Variants in THOC1 observed in about 807,000 individuals in gnomAD.
The protein encoded by THOC1 is THO complex 1.
A neutral mutation model predicts 97.3 loss-of-function variants in THOC1; 29 were observed. That is an observed-to-expected ratio of 0.30 (90% CI 0.22 to 0.41). THOC1 has a LOEUF of 0.41. Among genes scored for constraint, THOC1 ranks in the 10% least tolerant of loss-of-function variants. The probability of loss-of-function intolerance (pLI) is 1.00; values close to 1 mark genes in which losing one functional copy is unlikely to be tolerated. For missense variants in THOC1, 529 were observed against 761.9 expected (o/e 0.69, Z 3.60); for synonymous variants, 255 against 257.0 (o/e 0.99, Z 0.07).
intron 11 of THOC1, among the ~76,000 whole-genome samples, chr18:233,207 GA>G (rs1911552463): frequency 1.3e-5 from 2 of 152,016 alleles, no homozygotes; most frequent in East Asian, 1.9e-4. Context: ...AATTAACCTG[GA>G]ATTGATTAAC....
chr18:259,089 C>T, intron 7 of THOC1, 91 bp downstream of exon 7: 1 of 973,302 alleles, frequency 1.0e-6, no homozygotes. Context: ...CTTTTTAGAA[C>T]CATTTTTCTC....
At chr18:220,885 T>C (rs969148497) in intron 17 of THOC1, among the ~76,000 whole-genome samples, 1 of 152,206 alleles carries the variant, frequency 6.6e-6, no homozygotes, top group Non-Finnish European at 1.5e-5. Flanking sequence ...TACTTTCTAC[T>C]TCTATGAGTT....
Position 265,510 on chromosome 18 carries a change from C to G in THOC1, c.75G>C (p.Leu25Phe). 2 of 1,591,258 alleles carry G rather than the reference C, an allele frequency of 1.3e-6. No individual in the cohort carries two copies. Among genetic ancestry groups the G allele is most frequent in the Non-Finnish European group, 1.7e-6 (2 of 1,168,982 alleles). The stretch of plus-strand genomic sequence containing the variant: ...ACAATGGCTTGATGTTTTTGTTGTT[C>G]AAGGCCTCTCTGGTAGACTTCTAAA... ...TRFTKSTREA[L>F]NNKNIKPLLS... is the part of the protein sequence containing the mutation. Residue 25 changes from leucine to phenylalanine, a missense_variant, in exon 2 of 21, where the codon TTG becomes TTC. By Grantham distance (22) the Leu-to-Phe change is conservative. Coordinates refer to ENST00000261600, the MANE Select transcript of THOC1 (RefSeq NM_005131.3).
chr18:221,506 C>A (rs949354997), intron 17 of THOC1, among the ~76,000 whole-genome samples: 1 of 151,674 alleles, frequency 6.6e-6, no homozygotes, highest in Non-Finnish European at 1.5e-5. Context: ...ATCAATATAA[C>A]TATGCCTTTT....
Position 265,318 on chromosome 18 carries a change from A to C in THOC1, c.174T>G (p.Ile58Met), listed in dbSNP as rs760373126. 15 of 1,597,304 alleles carry C rather than the reference A, an allele frequency of 9.4e-6. No individual in the cohort carries two copies. The East Asian group carries it at 2.7e-4, about 29-fold the overall frequency. ...KCTLDQAFRG[I>M]LEEEIINHSS... ...ACATACTTACAATTTCTTCTTCTAG[A>C]ATACCTCTGAAAGCTTGGTCAAGGG... The change falls in exon 3 of 21, where the codon ATT becomes ATG. Residue 58 changes from isoleucine (I) to methionine (M), a missense_variant. By Grantham distance (10) the Ile-to-Met change is conservative. Coordinates refer to ENST00000261600, the MANE Select transcript of THOC1 (RefSeq NM_005131.3).
At chr18:223,207 TTC>T (rs1289069993) in intron 17 of THOC1, among the ~76,000 whole-genome samples, 6 of 152,200 alleles carry the variant, frequency 3.9e-5, no homozygotes, top group African/African-American at 1.4e-4. Context: ...AGGCTTACTC[TTC>T]TGTTTGTAGT....
At chr18:252,441 T>G in intron 9 of THOC1, 98 bp downstream of exon 9, 1 of 914,344 alleles carries the variant, frequency 1.1e-6, no homozygotes, top group Non-Finnish European at 1.7e-6. Context: ...TTCTTATAAT[T>G]TCTTTCCTCC....
At position 254,410 on chromosome 18, in the gene THOC1, T is replaced by C; in HGVS notation, c.521-55A>G. The C allele has an allele frequency of 1.9e-6, 2 of 1,068,326 alleles. No individual in the cohort carries two copies. The highest frequency in any genetic ancestry group is 1.6e-5 in the African/African-American group (1 of 63,536). 66.2% of individuals were successfully genotyped at this position (1,068,326 alleles called of 1,614,324 possible). A position where few individuals can be genotyped will look rare whatever the true frequency, so the allele number is the denominator to read the frequency against. ...GCAAGTCCAGTGACACCTAAACTTA[T>C]GTATAACTTGTGTCATAATCAAAAC... On this transcript the variant is annotated intron_variant, in intron 7 of 20. Transcript: ENST00000261600. The surrounding 1 kb of genome is among the most constrained non-coding windows in gnomAD (Gnocchi z 4.1).
intron 12 of THOC1, 75 bp from the exon 13 acceptor site, chr18:225,478 G>A: frequency 8.2e-7 from 1 of 1,220,598 alleles, no homozygotes; most frequent in Non-Finnish European, 1.2e-6. Flanking sequence ...AAAAACACAA[G>A]GCATGTAACA....
chr18:252,848 G>A (rs1912325073), intron 8 of THOC1, among the ~76,000 whole-genome samples: 1 of 152,132 alleles, frequency 6.6e-6, no homozygotes, highest in South Asian at 2.1e-4. Context: ...ACAGTAGAAA[G>A]TTTCAAATCT....
chr18:218,862 G>A, intron 18 of THOC1, 24 bp downstream of exon 18: 1 of 1,552,622 alleles, frequency 6.4e-7, no homozygotes, highest in Non-Finnish European at 8.8e-7. Flanking sequence ...AAAATTAAAA[G>A]GAGCTAATGA....
At chr18:249,413 T>A (rs924358021) in intron 9 of THOC1, among the ~76,000 whole-genome samples, 1 of 152,126 alleles carries the variant, frequency 6.6e-6, no homozygotes, top group Non-Finnish European at 1.5e-5. Flanking sequence ...ACACCTGTAA[T>A]CCCAACACTT....
rs762523865 is a variant in THOC1, at chr18:252,616, A to AGAT, written c.604-5_604-4insATC. The AGAT allele has an allele frequency of 1.2e-6, 2 of 1,603,960 alleles. No individual in the cohort carries two copies. Among genetic ancestry groups the AGAT allele is most frequent in the Non-Finnish European group, 1.7e-6 (2 of 1,175,712 alleles). On this transcript the variant is annotated splice_polypyrimidine_tract_variant and splice_region_variant and intron_variant, in intron 8 of 20. Coordinates refer to ENST00000261600, the MANE Select transcript of THOC1 (RefSeq NM_005131.3). The stretch of plus-strand genomic sequence containing the variant: ...CTTCTTCTCTATCTTCAGTGTGCTA[A>AGAT]ATTGAAAAAAAAATGTATAGCCTGT...
At chr18:236,674 T>C (rs1911712212) in intron 11 of THOC1, among the ~76,000 whole-genome samples, 1 of 152,048 alleles carries the variant, frequency 6.6e-6, no homozygotes, top group East Asian at 1.9e-4. Context: ...AAGAATAAGA[T>C]TCTAAGATGC....
chr18:259,370 AT>A, intron 6 of THOC1, 95 bp from the exon 7 acceptor site: 1 of 1,045,378 alleles, frequency 9.6e-7, no homozygotes, highest in African/African-American at 1.6e-5. Flanking sequence ...TGTCAAGAGT[AT>A]TTTCCTAAAG....
chr18:254,192 G>T lies in THOC1; in HGVS notation c.603+81C>A. 1.0e-6 allele frequency: 1 copy of T among 970,596 alleles called. No homozygotes were observed. Among genetic ancestry groups the T allele is most frequent in the Non-Finnish European group, 1.6e-6 (1 of 623,050 alleles). The allele number at this position is 970,596 out of a possible 1,614,324, so 60.1% of individuals were successfully genotyped here. A position where few individuals can be genotyped will look rare whatever the true frequency, so the allele number is the denominator to read the frequency against. The stretch of plus-strand genomic sequence containing the variant: ...CTCCCAAAGTGCTAGGATTACAAGT[G>T]TGAGCCACTGTGCCTGGACCCACTA... On this transcript the variant is annotated intron_variant, in intron 8 of 20. Transcript: ENST00000261600. This position sits in a 1 kb window ranked among gnomAD's most constrained non-coding sequence, Gnocchi z 4.1.
rs1567844193 is a variant in THOC1, at chr18:224,888, G to GAGTATGTATTTACCTTTCTTCC, written c.1208+35_1208+36insGGAAGAAAGGTAAATACATACT. 4 of 1,493,672 alleles carry GAGTATGTATTTACCTTTCTTCC rather than the reference G, an allele frequency of 2.7e-6. No individual in the cohort carries two copies. The Admixed American group carries it at 7.9e-5, about 29-fold the overall frequency. 92.5% of individuals were successfully genotyped at this position (1,493,672 alleles called of 1,614,324 possible). On this transcript the variant is annotated intron_variant, in intron 15 of 20. Coordinates refer to ENST00000261600, the MANE Select transcript of THOC1 (RefSeq NM_005131.3). ...AAGCCTTTCTCGTCGTTCTTGTGAT[G>GAGTATGTATTTACCTTTCTTCC]AGTATGTATTTACCTTTCTTTCAGT...
At chr18:239,385 A>T (rs954117883) in intron 11 of THOC1, among the ~76,000 whole-genome samples, 12 of 152,060 alleles carry the variant, frequency 7.9e-5, no homozygotes, top group Admixed American at 3.9e-4. Flanking sequence ...GCTCACTGCA[A>T]CCTCTGCCTC....
intron 10 of THOC1, 110 bp downstream of exon 10, chr18:247,739 T>C (rs1233655750): frequency 3.1e-6 from 2 of 652,372 alleles, no homozygotes; most frequent in Non-Finnish European, 5.3e-6. Context: ...GGTATAAAAA[T>C]GTAAGAGGCA....
Sources: gnomAD v4.1 joint callset for allele counts (sites outside exome capture counted in the v4.1 genomes callset) on GRCh38, gnomAD v4.1.1 for gene constraint, Gnocchi (gnomAD v3.1) non-coding constraint, MANE v1.5 for transcripts, NCBI Gene and HGNC (gene_info 2026-07-23, HGNC 2026-07-21) for gene names.